The following CPS1 variants were observed in gnomAD, a reference collection of about 807,000 sequenced individuals.
CPS1 encodes carbamoyl-phosphate synthase 1.
In CPS1, 109 loss-of-function variants were observed where a neutral mutation model predicts 174.6. The observed-to-expected ratio is 0.62, with a 90% confidence interval of 0.53 to 0.73. CPS1 has a LOEUF of 0.73. Among genes scored for constraint, CPS1 ranks in the 30% least tolerant of loss-of-function variants. The pLI is 0.00. For synonymous variants in CPS1, 637 were observed against 632.0 expected, an observed-to-expected ratio of 1.01 and a Z score of -0.12; for missense variants, 1,689 against 1,821.9, an observed-to-expected ratio of 0.93 and a Z score of 1.33.
chr2:210,675,023 T>TTC, intron 35 of CPS1, 62 bp downstream of exon 35: 1 of 1,286,346 alleles, frequency 7.8e-7, no homozygotes, highest in Non-Finnish European at 1.1e-6. Context: ...AATCAAAATA[T>TTC]TGCAGAATAT....
intron 34 of CPS1, among the ~76,000 whole-genome samples, chr2:210,669,129 G>A (rs2105934375): frequency 6.6e-6 from 1 of 152,156 alleles, no homozygotes; most frequent in East Asian, 1.9e-4. Context: ...ATATCTTTAT[G>A]CAATAAAAAA....
intron 12 of CPS1, 28 bp from the exon 13 acceptor site, chr2:210,595,459 A>G (rs748211763): frequency 2.0e-5 from 30 of 1,487,706 alleles, no homozygotes; most frequent in Non-Finnish European, 2.8e-5. Flanking sequence ...TAGCAGTAAT[A>G]ACAGTGTCTT....
chr2:210,498,279 A>G (rs745831939), intron 1 of CPS1, among the ~76,000 whole-genome samples: 22 of 151,976 alleles, frequency 1.4e-4, no homozygotes, highest in Non-Finnish European at 2.8e-4. Context: ...ATGGGGTTTG[A>G]GCATAGAATA....
At chr2:210,613,868 G>C (rs888853471) in intron 20 of CPS1, among the ~76,000 whole-genome samples, 1 of 151,900 alleles carries the variant, frequency 6.6e-6, no homozygotes, top group Non-Finnish European at 1.5e-5. Context: ...GCTGGGAGAA[G>C]GAACTGATTT....
chr2:210,497,565 C>T lies in CPS1; in HGVS notation c.3+19799C>T, dbSNP rs142177935. Among the ~76,000 whole-genome samples, 220 of 152,070 alleles carry T rather than the reference C, an allele frequency of 1.4e-3. 1 individual carries two copies. In the Middle Eastern group the frequency reaches 0.041, roughly 28 times the overall value. On this transcript the variant is annotated intron_variant, in intron 1 of 38. Transcript: ENST00000430249. ...ATACCTCTCTCCCCACTCCAACAGT[C>T]TTCAGTTTCTATTGTTGCCATTTTT...
chr2:210,526,219 A>G (rs114869248), intron 1 of CPS1, among the ~76,000 whole-genome samples: 7 of 151,918 alleles, frequency 4.6e-5, no homozygotes, highest in South Asian at 2.1e-4. Flanking sequence ...ACATCTCACA[A>G]TGGGGCTTGT....
At chr2:210,576,708 A>G (rs1346254771) in intron 3 of CPS1, among the ~76,000 whole-genome samples, 2 of 152,180 alleles carry the variant, frequency 1.3e-5, no homozygotes, top group African/African-American at 2.4e-5. Context: ...AATGCGTTGG[A>G]TGAAACTTGG....
In CPS1 at chr2:210,588,134, G is replaced by A. The variant is rs751029486; in HGVS notation, c.698G>A (p.Arg233His). 15 of 1,612,210 alleles carry A rather than the reference G, an allele frequency of 9.3e-6. No individual in the cohort carries two copies. The highest frequency in any genetic ancestry group is 2.2e-5 in the East Asian group (1 of 44,832). Residue 233 changes from arginine to histidine, a missense_variant, in exon 7 of 38, where the codon CGC becomes CAC. Arg to His is a conservative substitution (Grantham distance 29). Coordinates refer to ENST00000233072, the MANE Select transcript of CPS1 (RefSeq NM_001875.5). Reference sequence around the variant, plus strand: ...TGTGGGATTAAAAACAATGTAATCCGCCTGCTAGTAAAGGTAAGTAATTTG... The same window carrying A: ...TGTGGGATTAAAAACAATGTAATCCACCTGCTAGTAAAGGTAAGTAATTTG... ...VDCGIKNNVI[R>H]LLVKRGAEVH...
intron 1 of CPS1, among the ~76,000 whole-genome samples, chr2:210,493,613 G>A (rs1332583229): frequency 6.6e-6 from 1 of 152,176 alleles, no homozygotes; most frequent in East Asian, 1.9e-4. Context: ...GATCTACCCA[G>A]GATAGATAGG....
intron 1 of CPS1, among the ~76,000 whole-genome samples, chr2:210,509,490 T>A (rs950260216): frequency 6.6e-6 from 1 of 152,136 alleles, no homozygotes; most frequent in African/African-American, 2.4e-5. Context: ...ATGCCCTCTC[T>A]CACCACTCCT....
chr2:210,621,222 C>T lies in CPS1; in HGVS notation c.2687+4681C>T, dbSNP rs539792337. Among the ~76,000 whole-genome samples, 17 of 152,160 alleles carry T rather than the reference C, an allele frequency of 1.1e-4. No individual in the cohort carries two copies. In the South Asian group the frequency reaches 3.5e-3, roughly 32 times the overall value. On this transcript the variant is annotated intron_variant, in intron 21 of 37. Coordinates refer to ENST00000233072, the MANE Select transcript of CPS1 (RefSeq NM_001875.5). ...CTGACCTAGGGTGATAACATATTTA[C>T]AGTGGATTTCTTTAGGATTTGAGAA...
chr2:210,666,168 G>A (rs1387219614), intron 33 of CPS1, among the ~76,000 whole-genome samples: 3 of 151,592 alleles, frequency 2.0e-5, no homozygotes, highest in African/African-American at 7.3e-5. Flanking sequence ...CTTTTTGATG[G>A]GGTTGTTTGT....
chr2:210,542,322 T>C (rs1438049203), intron 1 of CPS1, among the ~76,000 whole-genome samples: 4 of 152,100 alleles, frequency 2.6e-5, no homozygotes, highest in Non-Finnish European at 4.4e-5. Context: ...ACTACTGGCT[T>C]TCCTGCTGTG....
intron 1 of CPS1, among the ~76,000 whole-genome samples, chr2:210,548,091 A>G (rs1468399340): frequency 6.6e-6 from 1 of 152,036 alleles, no homozygotes; most frequent in Non-Finnish European, 1.5e-5. Context: ...TTTTAGCACA[A>G]ATATTCTAAT....
chr2:210,549,999 T>G (rs1244587975), intron 1 of CPS1, among the ~76,000 whole-genome samples: 1 of 152,034 alleles, frequency 6.6e-6, no homozygotes, highest in African/African-American at 2.4e-5. Flanking sequence ...TAGAAACATA[T>G]AAGACATTCT....
intron 29 of CPS1, among the ~76,000 whole-genome samples, 186 bp downstream of exon 29, chr2:210,654,288 C>G (rs948189081): frequency 2.0e-5 from 3 of 152,118 alleles, no homozygotes; most frequent in Admixed American, 2.0e-4. Flanking sequence ...TATCATATTT[C>G]CTATGTTTCA....
rs531429857 is a variant in CPS1 at position 210,551,048 on chromosome 2, C to T, written c.4-5671C>T. ...ACAGCTTAACATGATTAACTTTGGG[C>T]CTCTTGCTATGTTTTATAATTGCTA... On this transcript the variant is annotated intron_variant, in intron 1 of 38. Coordinates refer to the CPS1 transcript ENST00000430249. 8.6e-5 allele frequency among the ~76,000 whole-genome samples: 13 copies of T among 151,942 alleles called. No homozygotes were observed. In the South Asian group the frequency reaches 2.7e-3, roughly 32 times the overall value.
At chr2:210,631,827 G>A (rs1018970970) in intron 21 of CPS1, among the ~76,000 whole-genome samples, 2 of 152,152 alleles carry the variant, frequency 1.3e-5, no homozygotes, top group African/African-American at 4.8e-5. Context: ...GATTTAATGT[G>A]TATATGTTCA....
chr2:210,599,983 ATTAC>A (rs1030499478), intron 14 of CPS1, among the ~76,000 whole-genome samples: 2 of 151,854 alleles, frequency 1.3e-5, no homozygotes, highest in Non-Finnish European at 2.9e-5. Flanking sequence ...TCTTTCTACT[ATTAC>A]TTCATACTTC....
Sources: allele counts gnomAD v4.1 joint callset (sites outside exome capture counted in the v4.1 genomes callset), GRCh38; gene constraint gnomAD v4.1.1; transcripts MANE v1.5; gene names NCBI Gene and HGNC (gene_info 2026-07-23, HGNC 2026-07-21).